SOBP: variants seen among roughly 807,000 people sequenced by gnomAD.
The protein encoded by SOBP is sine oculis binding protein homolog, also known as sine oculis-binding protein homolog.
A neutral mutation model predicts 53.6 loss-of-function variants in SOBP; 4 were observed. The observed-to-expected ratio is 0.07, with a 90% CI of 0.04 to 0.17. The LOEUF (loss-of-function observed/expected upper bound fraction) is 0.17. SOBP is among the 10% of genes least tolerant of loss of function. The pLI is 1.00. For synonymous variants in SOBP, 584 were observed against 522.6 expected, an observed-to-expected ratio of 1.12 and a Z score of -1.60; for missense variants, 1,088 against 1,204.7, an observed-to-expected ratio of 0.90 and a Z score of 1.43.
At chr6:107,525,596 A>G (rs1007944006) in intron 3 of SOBP, among the ~76,000 whole-genome samples, 2 of 152,206 alleles carry the variant, frequency 1.3e-5, no homozygotes, top group Non-Finnish European at 2.9e-5. Context: ...GATGAATACT[A>G]TGAAATTTCA....
chr6:107,636,408 G>A (rs1771046536), intron 6 of SOBP: 1 of 152,200 alleles, frequency 6.6e-6, no homozygotes, highest in South Asian at 2.1e-4. Context: ...GGCCTCATTT[G>A]CTCCTCCTGC....
chr6:107,535,436 G>A (rs868546929), intron 4 of SOBP, among the ~76,000 whole-genome samples: 2 of 152,164 alleles, frequency 1.3e-5, no homozygotes, highest in Non-Finnish European at 2.9e-5. Context: ...TCTACCAGGC[G>A]TTATTGGGAT....
intron 1 of SOBP, among the ~76,000 whole-genome samples, chr6:107,500,519 T>A (rs116814447): frequency 0.04 from 6,031 of 151,910 alleles, 170 homozygotes; most frequent in Non-Finnish European, 0.056. Context: ...AATTTAAATT[T>A]AAAAAAAATT....
intron 3 of SOBP, among the ~76,000 whole-genome samples, chr6:107,523,129 G>A (rs1002443193): frequency 6.6e-6 from 1 of 152,166 alleles, no homozygotes; most frequent in Non-Finnish European, 1.5e-5. Context: ...TCGTATTATG[G>A]ATGATAACTG....
intron 5 of SOBP, among the ~76,000 whole-genome samples, chr6:107,619,431 C>T (rs892686829): frequency 6.6e-6 from 1 of 152,174 alleles, no homozygotes; most frequent in Non-Finnish European, 1.5e-5. Context: ...GCATGGCAGC[C>T]TGCACTGAGA....
At chr6:107,612,834 T>G in intron 5 of SOBP, among the ~76,000 whole-genome samples, 1 of 152,244 alleles carries the variant, frequency 6.6e-6, no homozygotes. Flanking sequence ...TATGTACAAG[T>G]GGAATTATGT....
At chr6:107,541,083 A>G (rs1784134866) in intron 4 of SOBP, among the ~76,000 whole-genome samples, 1 of 152,232 alleles carries the variant, frequency 6.6e-6, no homozygotes, top group African/African-American at 2.4e-5. Flanking sequence ...TCAAAATGTC[A>G]AATTGCATAG....
chr6:107,648,414 C>T (rs13207075), intron 6 of SOBP, among the ~76,000 whole-genome samples: 101,559 of 151,824 alleles, frequency 0.67, 37,134 homozygotes, highest in Non-Finnish European at 0.84. Flanking sequence ...GTGACACCTG[C>T]TCCTGTAGTC....
chr6:107,626,743 G>A (rs905411640), intron 5 of SOBP, among the ~76,000 whole-genome samples: 7 of 151,486 alleles, frequency 4.6e-5, no homozygotes, highest in Admixed American at 2.0e-4. Flanking sequence ...GGGCTAGGAC[G>A]TTGCTCCCTT....
Position 107,529,555 on chromosome 6 carries a change from A to G in SOBP, c.422-3904A>G, listed in dbSNP as rs1033689988. 7.1e-6 allele frequency: 7 copies of G among 985,440 alleles called. No homozygotes were observed. The African/African-American group carries it at 1.0e-4, about 15-fold the overall frequency. 61.0% of individuals were successfully genotyped at this position (985,440 alleles called of 1,614,324 possible). The stretch of plus-strand genomic sequence containing the variant: ...AGTTACAAAGGGGTGGTAAATCTAC[A>G]GTTTAATTGCCTGGAGTCCATTAAT... On this transcript the variant is annotated intron_variant, in intron 3 of 6. Coordinates refer to ENST00000317357, the MANE Select transcript of SOBP (RefSeq NM_018013.4).
chr6:107,646,522 T>C (rs1041252075), intron 6 of SOBP, among the ~76,000 whole-genome samples: 1 of 152,166 alleles, frequency 6.6e-6, no homozygotes, highest in Non-Finnish European at 1.5e-5. Context: ...ACTTCACGAA[T>C]GTGGAATGTG....
intron 1 of SOBP, among the ~76,000 whole-genome samples, chr6:107,491,507 G>T (rs1230110182): frequency 1.3e-5 from 2 of 152,280 alleles, no homozygotes; most frequent in African/African-American, 4.8e-5. Flanking sequence ...GAGCGCAGCA[G>T]CCTGGCGCTC....
At chr6:107,559,638 C>A (rs1028485837) in intron 4 of SOBP, among the ~76,000 whole-genome samples, 1 of 152,192 alleles carries the variant, frequency 6.6e-6, no homozygotes, top group Non-Finnish European at 1.5e-5. Flanking sequence ...TTACACAAAA[C>A]GTTTGCAGAT....
intron 4 of SOBP, among the ~76,000 whole-genome samples, chr6:107,536,701 G>T (rs897785236): frequency 2.0e-5 from 3 of 152,080 alleles, no homozygotes; most frequent in African/African-American, 7.2e-5. Flanking sequence ...GAGTTGTCTG[G>T]ATTGCTACGA....
chr6:107,544,886 C>G (rs1028103055), intron 4 of SOBP, among the ~76,000 whole-genome samples: 8 of 152,204 alleles, frequency 5.3e-5, no homozygotes, highest in Admixed American at 3.3e-4. Flanking sequence ...CCTGCTCTGA[C>G]TTTTCGATCA....
At chr6:107,641,625 G>A (rs1011762628) in intron 6 of SOBP, among the ~76,000 whole-genome samples, 4 of 152,122 alleles carry the variant, frequency 2.6e-5, no homozygotes, top group East Asian at 1.9e-4. Context: ...AAAGAGACGC[G>A]TTCGGCCAGC....
At chr6:107,594,203 T>C (rs1312496553) in intron 5 of SOBP, among the ~76,000 whole-genome samples, 8 of 152,158 alleles carry the variant, frequency 5.3e-5, no homozygotes, top group Admixed American at 5.2e-4. Flanking sequence ...ATAGTAGCTA[T>C]TGGGTAGGGT....
At chr6:107,491,258 G>C (rs1177858321) in intron 1 of SOBP, among the ~76,000 whole-genome samples, 1 of 152,158 alleles carries the variant, frequency 6.6e-6, no homozygotes, top group African/African-American at 2.4e-5. Flanking sequence ...GTCTGGGCAC[G>C]GTCCTGACCG....
intron 3 of SOBP, among the ~76,000 whole-genome samples, chr6:107,528,240 T>A (rs1365750666): frequency 6.6e-6 from 1 of 152,214 alleles, no homozygotes; most frequent in Non-Finnish European, 1.5e-5. Flanking sequence ...GAAATGACCT[T>A]CTAGTGGTAG....
Sources: allele counts gnomAD v4.1 joint callset (sites outside exome capture counted in the v4.1 genomes callset), GRCh38; gene constraint gnomAD v4.1.1; transcripts MANE v1.5; gene names NCBI Gene and HGNC (gene_info 2026-07-23, HGNC 2026-07-21).